Variants in BCR observed in about 807,000 individuals in gnomAD.
BCR encodes BCR activator of RhoGEF and GTPase.
A neutral mutation model predicts 138.6 loss-of-function variants in BCR; 58 were observed. That is an observed-to-expected ratio of 0.42 (90% CI 0.34 to 0.52). BCR has a LOEUF of 0.52. Among genes scored for constraint, BCR ranks in the 20% least tolerant of loss-of-function variants. BCR has a pLI of 0.06. For synonymous variants in BCR, 786 were observed against 730.1 expected, an observed-to-expected ratio of 1.08 and a Z score of -1.23; for missense variants, 1,599 against 1,727.2, an observed-to-expected ratio of 0.93 and a Z score of 1.32.
intron 4 of BCR, chr22:23,264,514 C>T (rs2073414522): frequency 1.8e-6 from 1 of 541,772 alleles, no homozygotes; most frequent in East Asian, 3.1e-5. Context: ...AGGCTTCTGA[C>T]TCCTGGAGCT....
chr22:23,310,770 C>G (rs2073998158), intron 18 of BCR, among the ~76,000 whole-genome samples: 1 of 152,210 alleles, frequency 6.6e-6, no homozygotes, highest in African/African-American at 2.4e-5. Context: ...CAAGAGAAGC[C>G]TGTTTGGTTT....
chr22:23,287,734 G>C (rs1447713686), intron 11 of BCR, among the ~76,000 whole-genome samples: 1 of 152,234 alleles, frequency 6.6e-6, no homozygotes, highest in Non-Finnish European at 1.5e-5. Flanking sequence ...CTCTGCAGAA[G>C]CCTCACCTCT....
chr22:23,284,108 G>A lies in BCR; in HGVS notation c.2237+10G>A, dbSNP rs765355772. 6.8e-6 allele frequency: 11 copies of A among 1,612,064 alleles called. No individual in the cohort carries two copies. Among genetic ancestry groups the A allele is most frequent in the East Asian group, 6.7e-5 (3 of 44,768 alleles). On this transcript the variant is annotated intron_variant, in intron 9 of 22. Coordinates refer to ENST00000305877, the MANE Select transcript of BCR (RefSeq NM_004327.4). Reference sequence around the variant, plus strand: ...AGAAGCAGAGCGGAGGGTGAGTGACGATGTGGCCCCTGTCCCAGCAGTGAC... The same window carrying A: ...AGAAGCAGAGCGGAGGGTGAGTGACAATGTGGCCCCTGTCCCAGCAGTGAC...
At chr22:23,207,104 C>T (rs1305024001) in intron 1 of BCR, among the ~76,000 whole-genome samples, 1 of 152,168 alleles carries the variant, frequency 6.6e-6, no homozygotes, top group Non-Finnish European at 1.5e-5. Context: ...ATCCATTCAT[C>T]CTCCAACCAT....
rs774338126 is a variant in BCR, at chr22:23,181,698, C to T, written c.738C>T (p.Tyr246=). ...GCAGCTGCGGCGTCGACGGCGACTA[C>T]GAGGACGCCGAGTTGAACCCCCGCT... ...SESSCGVDGD[Y]EDAELNPRFL... Residue 246 remains tyrosine (Y), a synonymous_variant, in exon 1 of 23, where the codon TAC becomes TAT. Transcript: ENST00000305877. 2 of 1,604,560 alleles carry T rather than the reference C, an allele frequency of 1.2e-6. No homozygotes were observed. The highest frequency in any genetic ancestry group is 4.5e-5 in the East Asian group (2 of 44,874).
chr22:23,303,157 A>C (rs1329425477), intron 16 of BCR, among the ~76,000 whole-genome samples: 2 of 152,150 alleles, frequency 1.3e-5, no homozygotes, highest in Non-Finnish European at 2.9e-5. Context: ...TAGATCCATT[A>C]AACAATGTAT....
intron 1 of BCR, among the ~76,000 whole-genome samples, chr22:23,233,899 G>A (rs2072990947): frequency 6.6e-6 from 1 of 152,026 alleles, no homozygotes; most frequent in African/African-American, 2.4e-5. Context: ...TATTCAGCCA[G>A]GGACAAGGGC....
chr22:23,282,721 C>T (rs2073662600), intron 8 of BCR, among the ~76,000 whole-genome samples: 1 of 152,184 alleles, frequency 6.6e-6, no homozygotes, highest in Admixed American at 6.5e-5. Context: ...ACAGGTGCAC[C>T]GCCTGCGGGG....
At chr22:23,263,604 T>C in intron 4 of BCR, 1 of 1,525,282 alleles carries the variant, frequency 6.6e-7, no homozygotes, top group Non-Finnish European at 9.1e-7. Context: ...CTGGGCATGA[T>C]GAGGACGTTT....
chr22:23,185,317 C>A (rs1448118314), intron 1 of BCR, among the ~76,000 whole-genome samples: 1 of 152,178 alleles, frequency 6.6e-6, no homozygotes, highest in Non-Finnish European at 1.5e-5. Context: ...AGTCTTTGCA[C>A]CCTGGGCCCG....
chr22:23,256,553 A>G (rs1160676812), intron 2 of BCR, among the ~76,000 whole-genome samples: 1 of 152,160 alleles, frequency 6.6e-6, no homozygotes, highest in African/African-American at 2.4e-5. Context: ...TCTGTTGGTA[A>G]TGAAAACCTG....
chr22:23,297,239 G>T (rs953528123), intron 16 of BCR, among the ~76,000 whole-genome samples: 8 of 98,322 alleles, frequency 8.1e-5, no homozygotes, highest in Non-Finnish European at 1.2e-4. Flanking sequence ...TTTTTTTTTC[G>T]AGACAGAGTT....
intron 1 of BCR, among the ~76,000 whole-genome samples, chr22:23,226,240 C>T (rs555641115): frequency 6.6e-6 from 1 of 152,120 alleles, no homozygotes; most frequent in Admixed American, 6.5e-5. Flanking sequence ...GTGAGCTTTC[C>T]CGTCAGAAAT....
rs189301019 is a variant in BCR at position 23,248,647 on chromosome 22, T to C, written c.1280-5152T>C. Among the ~76,000 whole-genome samples, 40 of 152,264 alleles carry C rather than the reference T, an allele frequency of 2.6e-4. 1 individual carries two copies. Among genetic ancestry groups the C allele is most frequent in the African/African-American group, 8.4e-4 (35 of 41,548 alleles). On this transcript the variant is annotated intron_variant, in intron 1 of 22. Transcript: ENST00000305877. Reference sequence around the variant, plus strand: ...CCTGGAGAGAAGAGGGTTTCAGATTTCACTAGGCCCTCCCTCTTCCACACC... The same window carrying C: ...CCTGGAGAGAAGAGGGTTTCAGATTCCACTAGGCCCTCCCTCTTCCACACC...
rs185561951 is a variant in BCR, at chr22:23,234,721, C to A, written c.1280-19078C>A. Among the ~76,000 whole-genome samples the A allele has an allele frequency of 3.1e-4, 33 of 106,360 alleles. 2 individuals are homozygous for A. The highest frequency in any genetic ancestry group is 8.9e-4 in the African/African-American group (33 of 36,902). 69.8% of individuals were successfully genotyped at this position (106,360 alleles called of 152,430 possible). ...GAGCACCCAGGGGACCCAGGCTGAT[C>A]AGGTCGCAGCGAGCATGAGGGGACT... On this transcript the variant is annotated intron_variant, in intron 1 of 22. Transcript: ENST00000305877.
chr22:23,303,279 G>C (rs1430754285), intron 16 of BCR, among the ~76,000 whole-genome samples: 1 of 152,218 alleles, frequency 6.6e-6, no homozygotes, highest in Non-Finnish European at 1.5e-5. Context: ...CAGCAGCAGA[G>C]ACAAACATAA....
At chr22:23,287,058 C>T (rs2073722569) in intron 10 of BCR, 101 bp from the exon 11 acceptor site, 4 of 1,535,572 alleles carry the variant, frequency 2.6e-6, no homozygotes, top group Non-Finnish European at 3.5e-6. Flanking sequence ...GATTCTTGCC[C>T]TCTGCAGGCT....
At chr22:23,287,300 C>T (rs1313387569) in intron 11 of BCR, 22 bp downstream of exon 11, 2 of 1,513,988 alleles carry the variant, frequency 1.3e-6, no homozygotes, top group Middle Eastern at 1.8e-4. Context: ...CTGTTCCGGC[C>T]CCTCCTGCTC....
At chr22:23,268,291 C>A in intron 4 of BCR, 117 bp from the exon 5 acceptor site, 1 of 774,576 alleles carries the variant, frequency 1.3e-6, no homozygotes, top group South Asian at 1.9e-5. Flanking sequence ...CCTCTGCAGC[C>A]TGTGTGCCGT....
Sources: allele counts gnomAD v4.1 joint callset (sites outside exome capture counted in the v4.1 genomes callset), GRCh38; gene constraint gnomAD v4.1.1; transcripts MANE v1.5; gene names NCBI Gene and HGNC (gene_info 2026-07-23, HGNC 2026-07-21).